Variants in SULT2B1 observed in about 807,000 individuals in gnomAD.
SULT2B1 encodes sulfotransferase 2B1.
A neutral mutation model predicts 33.2 loss-of-function variants in SULT2B1; 16 were observed. The ratio of observed to expected loss-of-function variants is 0.48; its 90% CI spans 0.33 to 0.73. SULT2B1 has a LOEUF of 0.73. Among genes scored for constraint, SULT2B1 ranks in the 30% least tolerant of loss-of-function variants. The pLI, the probability that SULT2B1 is intolerant of heterozygous loss-of-function variation, is 0.02. For missense variants in SULT2B1, 500 were observed against 506.0 expected, an observed-to-expected ratio of 0.99 and a Z score of 0.11; for synonymous variants, 186 against 200.5, an observed-to-expected ratio of 0.93 and a Z score of 0.61.
intron 3 of SULT2B1, among the ~76,000 whole-genome samples, chr19:48,587,767 C>A (rs1262663835): frequency 6.6e-6 from 1 of 151,748 alleles, no homozygotes; most frequent in African/African-American, 2.4e-5. Context: ...GTGGCACACA[C>A]TTGTAGTCCC....
chr19:48,575,966 C>T lies in SULT2B1; in HGVS notation c.97C>T (p.Arg33Trp). Residue 33 changes from arginine (R) to tryptophan (W), a missense_variant, in exon 2 of 7, where the codon CGG (arginine) becomes TGG (tryptophan). Arg to Trp is a moderately radical substitution (Grantham distance 101). Transcript: ENST00000201586. ...CCAGAAGTTGCCAGGTGAATACTTC[C>T]GGTACAAGGGCGTCCCCTTCCCCGT... ...ISQKLPGEYF[R>W]YKGVPFPVGL... 4 of 1,613,402 alleles carry T rather than the reference C, an allele frequency of 2.5e-6. No individual in the cohort carries two copies. Among genetic ancestry groups the T allele is most frequent in the African/African-American group, 1.3e-5 (1 of 75,004 alleles).
At chr19:48,591,465 T>C in intron 3 of SULT2B1, 144 bp from the exon 4 acceptor site, 1 of 929,260 alleles carries the variant, frequency 1.1e-6, no homozygotes, top group Non-Finnish European at 1.5e-6. Flanking sequence ...AGAGTCAGAC[T>C]CCATCGCAAA....
At chr19:48,557,261 C>A (rs1003580466) in intron 1 of SULT2B1, among the ~76,000 whole-genome samples, 1 of 152,040 alleles carries the variant, frequency 6.6e-6, no homozygotes, top group Admixed American at 6.6e-5. Flanking sequence ...TATGTGAGAT[C>A]GGGCTCTGTG....
chr19:48,593,633 A>G (rs1390876381), intron 5 of SULT2B1, among the ~76,000 whole-genome samples: 2 of 151,672 alleles, frequency 1.3e-5, no homozygotes, highest in Admixed American at 1.3e-4. Flanking sequence ...TATTTTATTT[A>G]ATTAATTTAT....
At chr19:48,594,977 G>T (rs890385045) in intron 5 of SULT2B1, among the ~76,000 whole-genome samples, 1 of 151,190 alleles carries the variant, frequency 6.6e-6, no homozygotes, top group Non-Finnish European at 1.5e-5. Context: ...AGCTGAGATA[G>T]CACCACTGCA....
intron 5 of SULT2B1, among the ~76,000 whole-genome samples, chr19:48,595,092 G>A (rs983916574): frequency 6.6e-6 from 1 of 151,846 alleles, no homozygotes; most frequent in Non-Finnish European, 1.5e-5. Context: ...AGACTACCCT[G>A]ACCAACATGG....
intron 2 of SULT2B1, among the ~76,000 whole-genome samples, chr19:48,586,338 G>C (rs1381576782): frequency 6.6e-6 from 1 of 152,212 alleles, no homozygotes; most frequent in Admixed American, 6.6e-5. Flanking sequence ...TGCAGGAAGG[G>C]TGGAAGGAAG....
chr19:48,579,323 C>T (rs1016693242), intron 2 of SULT2B1, among the ~76,000 whole-genome samples: 14 of 150,264 alleles, frequency 9.3e-5, no homozygotes, highest in East Asian at 7.8e-4. Flanking sequence ...CGCTCTGTCG[C>T]CCAGGCTGGA....
chr19:48,567,516 C>G (rs1568405094), intron 1 of SULT2B1, among the ~76,000 whole-genome samples: 1 of 152,028 alleles, frequency 6.6e-6, no homozygotes, highest in East Asian at 1.9e-4. Flanking sequence ...GAACTAAGAT[C>G]ATGCCTGGGC....
intron 1 of SULT2B1, among the ~76,000 whole-genome samples, chr19:48,556,091 C>T (rs971252804): frequency 1.3e-4 from 20 of 152,164 alleles, no homozygotes; most frequent in Admixed American, 1.1e-3. Context: ...CGGGACTTTG[C>T]GTGCACCAGC....
At chr19:48,584,211 G>A (rs1973533677) in intron 2 of SULT2B1, among the ~76,000 whole-genome samples, 1 of 152,084 alleles carries the variant, frequency 6.6e-6, no homozygotes, top group Non-Finnish European at 1.5e-5. Context: ...AAATTGGGAA[G>A]AAGGACTTCC....
At chr19:48,560,098 A>G (rs1414566227) in intron 1 of SULT2B1, among the ~76,000 whole-genome samples, 2 of 152,138 alleles carry the variant, frequency 1.3e-5, no homozygotes, top group Non-Finnish European at 2.9e-5. Context: ...GCGTCTGTGA[A>G]ACGGGCAATG....
At chr19:48,577,352 CTTTTTTTTTTTTTT>C (rs1209521675) in intron 2 of SULT2B1, among the ~76,000 whole-genome samples, 2 of 30,634 alleles carry the variant, frequency 6.5e-5, no homozygotes, top group Non-Finnish European at 1.1e-4. Context: ...ACTGAGCCGT[CTTTTTTTTTTTTTT>C]TTTTTTTTTT....
intron 1 of SULT2B1, among the ~76,000 whole-genome samples, chr19:48,569,474 C>T (rs1321560460): frequency 6.7e-6 from 1 of 149,926 alleles, no homozygotes; most frequent in African/African-American, 2.4e-5. Context: ...AATCCCAGCA[C>T]TTTAGGAGGC....
At chr19:48,558,119 G>C (rs561546584) in intron 1 of SULT2B1, among the ~76,000 whole-genome samples, 9 of 152,154 alleles carry the variant, frequency 5.9e-5, no homozygotes, top group African/African-American at 1.9e-4. Context: ...ACAGCCGTCG[G>C]AGATTAACCC....
intron 3 of SULT2B1, among the ~76,000 whole-genome samples, chr19:48,589,725 GC>G: frequency 6.6e-6 from 1 of 152,342 alleles, no homozygotes; most frequent in East Asian, 1.9e-4. Context: ...ACTTTCAGAG[GC>G]CAAGGTGAGC....
At chr19:48,586,284 G>A (rs934102109) in intron 2 of SULT2B1, among the ~76,000 whole-genome samples, 2 of 152,168 alleles carry the variant, frequency 1.3e-5, no homozygotes, top group Non-Finnish European at 2.9e-5. Flanking sequence ...GAATTTCAGC[G>A]GCTGAAGCCA....
At chr19:48,586,144 C>T (rs959849110) in intron 2 of SULT2B1, among the ~76,000 whole-genome samples, 1 of 152,042 alleles carries the variant, frequency 6.6e-6, no homozygotes, top group East Asian at 1.9e-4. Context: ...ATCTCTTAAG[C>T]CCGGGATTTC....
rs972714102 is a variant in SULT2B1 at position 48,599,146 on chromosome 19, G to A, written c.838G>A (p.Asp280Asn). The A allele has an allele frequency of 1.7e-5, 27 of 1,584,608 alleles. No homozygotes were observed. The highest frequency in any genetic ancestry group is 5.3e-5 in the Admixed American group (3 of 56,758). Reference sequence around the variant, plus strand: ...CCCCTCTTCTCCAGGGGTCTGCGGCGACTGGAAGAACCACTTCACGGTGGC... The same window carrying A: ...CCCCTCTTCTCCAGGGGTCTGCGGCAACTGGAAGAACCACTTCACGGTGGC... ...GAFLRKGVCGDWKNHFTVAQS... is the reference protein window; with the variant it reads ...GAFLRKGVCGNWKNHFTVAQS... The change falls in exon 7 of 7, where the codon GAC becomes AAC. Residue 280 changes from aspartate to asparagine, a missense_variant. Transcript: ENST00000201586. The surrounding 1 kb of genome is among the most constrained non-coding windows in gnomAD (Gnocchi z 4.1).
Sources: gnomAD v4.1 joint callset for allele counts (sites outside exome capture counted in the v4.1 genomes callset) on GRCh38, gnomAD v4.1.1 for gene constraint, Gnocchi (gnomAD v3.1) non-coding constraint, MANE v1.5 for transcripts, NCBI Gene and HGNC (gene_info 2026-07-23, HGNC 2026-07-21) for gene names.